DPP10: variants seen among roughly 807,000 people sequenced by gnomAD.
The protein encoded by DPP10 is inactive dipeptidyl peptidase 10.
Under a neutral mutation model 120.9 loss-of-function variants are expected in DPP10, and 33 were observed. The observed-to-expected ratio is 0.27, with a 90% confidence interval of 0.21 to 0.37. The LOEUF (loss-of-function observed/expected upper bound fraction) is 0.37, where lower values mean the gene tolerates loss of function less well. Among genes scored for constraint, DPP10 ranks in the 10% least tolerant of loss-of-function variants. The probability of loss-of-function intolerance (pLI) is 1.00; values close to 1 mark genes in which losing one functional copy is unlikely to be tolerated. For synonymous variants in DPP10, 337 were observed against 326.1 expected, an observed-to-expected ratio of 1.03 and a Z score of -0.36; for missense variants, 816 against 942.8, an observed-to-expected ratio of 0.87 and a Z score of 1.76.
chr2:115,778,893 A>T (rs1682431573), intron 15 of DPP10, among the ~76,000 whole-genome samples: 1 of 152,108 alleles, frequency 6.6e-6, no homozygotes, highest in South Asian at 2.1e-4. Context: ...AAAGCTATTC[A>T]TATAGAGATA....
intron 5 of DPP10, among the ~76,000 whole-genome samples, chr2:115,531,304 G>C (rs1001303461): frequency 6.6e-6 from 1 of 152,018 alleles, no homozygotes; most frequent in Non-Finnish European, 1.5e-5. Flanking sequence ...TTTGACAAGC[G>C]TAAGTGATTC....
intron 1 of DPP10, among the ~76,000 whole-genome samples, chr2:114,751,217 T>A (rs1679186199): frequency 6.6e-6 from 1 of 152,200 alleles, no homozygotes; most frequent in Non-Finnish European, 1.5e-5. Flanking sequence ...CAAATTATCA[T>A]GATTCTCCCC....
chr2:114,647,403 T>G (rs978860358), intron 1 of DPP10, among the ~76,000 whole-genome samples: 11 of 152,168 alleles, frequency 7.2e-5, no homozygotes, highest in Non-Finnish European at 1.5e-5. Flanking sequence ...AAAGCTGAAC[T>G]AACTAAAACT....
At chr2:114,549,405 ATAG>A (rs1414977469) in intron 1 of DPP10, among the ~76,000 whole-genome samples, 1 of 152,084 alleles carries the variant, frequency 6.6e-6, no homozygotes, top group Non-Finnish European at 1.5e-5. Context: ...GCTCACGCCT[ATAG>A]TCCCAGCATT....
chr2:115,340,135 T>G (rs1043764899), intron 2 of DPP10, among the ~76,000 whole-genome samples: 4 of 152,190 alleles, frequency 2.6e-5, no homozygotes, highest in African/African-American at 9.6e-5. Flanking sequence ...ATAGTATAAT[T>G]AGTTGCTTAA....
In DPP10 at chr2:115,626,117, G is replaced by A. The variant is rs149683456; in HGVS notation, c.442-63570G>A. Among the ~76,000 whole-genome samples the A allele has an allele frequency of 4.1e-4, 62 of 151,604 alleles. 1 individual carries two copies. In the East Asian group the frequency reaches 0.01, roughly 26 times the overall value. On this transcript the variant is annotated intron_variant, in intron 5 of 25. Coordinates refer to ENST00000410059, the MANE Select transcript of DPP10 (RefSeq NM_020868.6). Reference sequence around the variant, plus strand: ...CTGTAGAGTAGGTGAAAATGGGATAGAGGGAATAAGAATCGGAATGTAAGT... The same window carrying A: ...CTGTAGAGTAGGTGAAAATGGGATAAAGGGAATAAGAATCGGAATGTAAGT...
At chr2:115,818,503 A>G (rs1315314749) in intron 21 of DPP10, among the ~76,000 whole-genome samples, 1 of 152,216 alleles carries the variant, frequency 6.6e-6, no homozygotes, top group Non-Finnish European at 1.5e-5. Context: ...AGAAGATTCA[A>G]AGGGTTGTAA....
chr2:114,581,947 C>A (rs970152403), intron 1 of DPP10, among the ~76,000 whole-genome samples: 2 of 152,110 alleles, frequency 1.3e-5, no homozygotes, highest in African/African-American at 4.8e-5. Flanking sequence ...AATTGATGAA[C>A]CTGTATTGAC....
chr2:114,870,669 G>A (rs1379992927), intron 1 of DPP10, among the ~76,000 whole-genome samples: 2 of 135,490 alleles, frequency 1.5e-5, no homozygotes, highest in African/African-American at 5.2e-5. Context: ...TATCACAAAA[G>A]AGGATGAGTT....
chr2:114,497,701 G>A (rs1573496521), intron 1 of DPP10, among the ~76,000 whole-genome samples: 1 of 152,296 alleles, frequency 6.6e-6, no homozygotes, highest in East Asian at 1.9e-4. Context: ...GAGGATTTAA[G>A]TAATTTCAGT....
intron 5 of DPP10, among the ~76,000 whole-genome samples, chr2:115,533,476 G>A (rs973591091): frequency 6.6e-6 from 1 of 152,046 alleles, no homozygotes; most frequent in African/African-American, 2.4e-5. Context: ...TTTCTGGTAA[G>A]TATCTATTTT....
intron 1 of DPP10, among the ~76,000 whole-genome samples, chr2:115,000,638 CTGTT>C (rs1343929690): frequency 1.3e-5 from 2 of 152,120 alleles, no homozygotes; most frequent in African/African-American, 4.8e-5. Flanking sequence ...CTCTTCATTT[CTGTT>C]TGTTGCTATC....
chr2:114,621,109 A>G (rs1694061664), intron 1 of DPP10, among the ~76,000 whole-genome samples: 1 of 152,092 alleles, frequency 6.6e-6, no homozygotes, highest in Non-Finnish European at 1.5e-5. Flanking sequence ...TTTGCTCTCC[A>G]CTGAGAATGA....
At chr2:115,384,558 GGAA>G (rs70941052) in intron 3 of DPP10, among the ~76,000 whole-genome samples, 100,742 of 142,568 alleles carry the variant, frequency 0.71, 35,651 homozygotes, top group Admixed American at 0.76. Context: ...AAGAAGAAGA[GGAA>G]GAAGAAGAAG....
At chr2:115,495,889 G>A (rs1019856667) in intron 3 of DPP10, among the ~76,000 whole-genome samples, 20 of 152,218 alleles carry the variant, frequency 1.3e-4, no homozygotes, top group African/African-American at 4.1e-4. Flanking sequence ...AAAGTACCTT[G>A]TAGATATGCA....
intron 2 of DPP10, among the ~76,000 whole-genome samples, chr2:115,333,465 T>G (rs949971368): frequency 1.3e-5 from 2 of 152,144 alleles, no homozygotes; most frequent in African/African-American, 2.4e-5. Context: ...ATCCTGTCAG[T>G]ATGATGTTAG....
At chr2:114,993,471 A>C (rs1574651189) in intron 1 of DPP10, among the ~76,000 whole-genome samples, 1 of 150,944 alleles carries the variant, frequency 6.6e-6, no homozygotes, top group African/African-American at 2.4e-5. Flanking sequence ...ACCTTATAGA[A>C]CCAAGTTTAG....
At chr2:115,821,320 T>G (rs1257963298) in intron 21 of DPP10, among the ~76,000 whole-genome samples, 1 of 152,136 alleles carries the variant, frequency 6.6e-6, no homozygotes, top group Non-Finnish European at 1.5e-5. Flanking sequence ...TCTGGATAAA[T>G]TTAATCTTTT....
chr2:115,025,935 G>T (rs1703429600), intron 1 of DPP10, among the ~76,000 whole-genome samples: 1 of 151,776 alleles, frequency 6.6e-6, no homozygotes, highest in South Asian at 2.1e-4. Context: ...CTTGTCAGGT[G>T]GTTACTCTGT....
Sources: gnomAD v4.1 joint callset for allele counts (sites outside exome capture counted in the v4.1 genomes callset) on GRCh38, gnomAD v4.1.1 for gene constraint, MANE v1.5 for transcripts, NCBI Gene and HGNC (gene_info 2026-07-23, HGNC 2026-07-21) for gene names.